The following CBY1 variants were observed in gnomAD, a reference collection of about 807,000 sequenced individuals.
The protein encoded by CBY1 is chibby 1, beta catenin antagonist, also known as protein chibby homolog 1.
Under a neutral mutation model 15.6 loss-of-function variants are expected in CBY1, and 10 were observed. The observed-to-expected ratio is 0.64, with a 90% CI of 0.40 to 1.09. The LOEUF (loss-of-function observed/expected upper bound fraction) is 1.09. CBY1 is among the 50% of genes least tolerant of loss of function. The pLI, the probability that CBY1 is intolerant of heterozygous loss-of-function variation, is 0.01. For synonymous variants in CBY1, 61 were observed against 63.5 expected (o/e 0.96, Z 0.19); for missense variants, 150 against 160.5 (o/e 0.93, Z 0.35).
rs2092442236 is a variant in CBY1, at chr22:38,668,146, C to T, written c.78+14C>T. 6.6e-7 allele frequency: 1 copy of T among 1,518,264 alleles called. No homozygotes were observed. Among genetic ancestry groups the T allele is most frequent in the African/African-American group, 1.4e-5 (1 of 72,964 alleles). 94.0% of individuals were successfully genotyped at this position (1,518,264 alleles called of 1,614,324 possible). Reference sequence around the variant, plus strand: ...AACCTGCATTCTGTGAGTGTCGGTACTGGGGTCGGCCGGGTGTGCAGCATG... The same window carrying T: ...AACCTGCATTCTGTGAGTGTCGGTATTGGGGTCGGCCGGGTGTGCAGCATG... On this transcript the variant is annotated intron_variant, in intron 2 of 4. Coordinates refer to ENST00000216029, the MANE Select transcript of CBY1 (RefSeq NM_015373.4).
chr22:38,662,880 A>G (rs2092425847), intron 1 of CBY1, among the ~76,000 whole-genome samples: 1 of 152,186 alleles, frequency 6.6e-6, no homozygotes, highest in African/African-American at 2.4e-5. Context: ...GCAGTGGCTT[A>G]TGCCTGTAAT....
chr22:38,672,929 G>A (rs754942439), intron 4 of CBY1, among the ~76,000 whole-genome samples: 7 of 152,088 alleles, frequency 4.6e-5, no homozygotes, highest in Admixed American at 2.6e-4. Context: ...CCATGCCCTC[G>A]TGGGTGACAG....
intron 1 of CBY1, among the ~76,000 whole-genome samples, chr22:38,659,394 G>A (rs1008026828): frequency 1.1e-4 from 16 of 151,810 alleles, no homozygotes; most frequent in African/African-American, 3.1e-4. Context: ...GATTACAGGC[G>A]TGTGCCACCA....
chr22:38,662,404 A>C (rs928662489), intron 1 of CBY1, among the ~76,000 whole-genome samples: 1 of 152,196 alleles, frequency 6.6e-6, no homozygotes, highest in Non-Finnish European at 1.5e-5. Flanking sequence ...TATTAATTCA[A>C]GATGAATTAT....
At chr22:38,667,537 G>A (rs2092440519) in intron 1 of CBY1, 1 of 153,698 alleles carries the variant, frequency 6.5e-6, no homozygotes, top group Non-Finnish European at 1.4e-5. Context: ...CTATTACCAG[G>A]CGTCTTAATC....
At chr22:38,661,982 A>T (rs1221241783) in intron 1 of CBY1, among the ~76,000 whole-genome samples, 1 of 152,100 alleles carries the variant, frequency 6.6e-6, no homozygotes, top group Non-Finnish European at 1.5e-5. Context: ...ATTCTTTGTA[A>T]GCTGTGTGCG....
At chr22:38,669,083 G>A (rs1484193655) in intron 2 of CBY1, among the ~76,000 whole-genome samples, 1 of 152,226 alleles carries the variant, frequency 6.6e-6, no homozygotes, top group Non-Finnish European at 1.5e-5. Context: ...ACCGTGACTT[G>A]AAGTCGGTCC....
intron 1 of CBY1, among the ~76,000 whole-genome samples, chr22:38,661,350 A>C (rs1437126366): frequency 2.0e-5 from 3 of 151,920 alleles, no homozygotes; most frequent in African/African-American, 7.3e-5. Flanking sequence ...ATTTTTGTAC[A>C]TTTTTAGTAG....
At chr22:38,657,148 G>T in intron 1 of CBY1, 1 of 975,694 alleles carries the variant, frequency 1.0e-6, no homozygotes, top group Non-Finnish European at 1.2e-6. Context: ...ATTAAAGTAA[G>T]ATAATATATT....
intron 2 of CBY1, 93 bp downstream of exon 2, chr22:38,668,225 A>G (rs2072796): frequency 0.29 from 230,246 of 781,346 alleles, 33,977 homozygotes; most frequent in East Asian, 0.36. Flanking sequence ...CAGAGGCATC[A>G]GTGCAGGAGG....
rs917049545 is a variant in CBY1 at position 38,666,236 on chromosome 22, T to A, written c.-38-1781T>A. ...TATTAATGTTATATATATATATATT[T>A]TTTTTTCTTTTTTAACCTTTTTTTG... On this transcript the variant is annotated intron_variant, in intron 1 of 4. Transcript: ENST00000216029. 7.7e-4 allele frequency among the ~76,000 whole-genome samples: 111 copies of A among 143,272 alleles called. 1 individual carries two copies. The highest frequency in any genetic ancestry group is 7.2e-3 in the Middle Eastern group (2 of 276). 94.0% of individuals were successfully genotyped at this position (143,272 alleles called of 152,430 possible).
rs1005853926 is a variant in CBY1, at chr22:38,659,043, C to T, written c.-39+2293C>T. Among the ~76,000 whole-genome samples the T allele has an allele frequency of 3.0e-4, 45 of 151,376 alleles. 1 individual carries two copies. Among genetic ancestry groups the T allele is most frequent in the Non-Finnish European group, 1.3e-4 (9 of 67,878 alleles). On this transcript the variant is annotated intron_variant, in intron 1 of 4. Transcript: ENST00000216029. ...CTCTGCCTCCTGGGTTCAAGCAATT[C>T]GCATGCCTCAGCCTCCTGAGTAGCT...
chr22:38,667,014 A>AT (rs374657298), intron 1 of CBY1, among the ~76,000 whole-genome samples: 7,444 of 101,284 alleles, frequency 0.073, 546 homozygotes, highest in African/African-American at 0.23. Flanking sequence ...TTCTTTCTTT[A>AT]TTTTTTTTTT....
rs2092450389 is a variant in CBY1, at chr22:38,670,866, A to G, written c.79-18A>G. ...GTTCCGGGCCTGCTGAAGTTGTCAC[A>G]TAGCATCTCGCCCACAGTTGGATCG... On this transcript the variant is annotated intron_variant, in intron 2 of 4. Coordinates refer to ENST00000216029, the MANE Select transcript of CBY1 (RefSeq NM_015373.4). 1 of 1,593,058 alleles carries G rather than the reference A, an allele frequency of 6.3e-7. No individual in the cohort carries two copies. The highest frequency in any genetic ancestry group is 8.6e-7 in the Non-Finnish European group (1 of 1,161,210).
intron 1 of CBY1, among the ~76,000 whole-genome samples, chr22:38,657,555 G>C (rs762335730): frequency 1.3e-5 from 2 of 152,232 alleles, no homozygotes; most frequent in African/African-American, 2.4e-5. Context: ...CAGAATCCCA[G>C]GATCTCAGCT....
chr22:38,663,636 C>A (rs939268474), intron 1 of CBY1, among the ~76,000 whole-genome samples: 1 of 134,650 alleles, frequency 7.4e-6, no homozygotes, highest in African/African-American at 2.8e-5. Flanking sequence ...GTGGAGGTTG[C>A]GGTGTGCTGA....
At chr22:38,663,164 T>G (rs1217271785) in intron 1 of CBY1, among the ~76,000 whole-genome samples, 1 of 151,996 alleles carries the variant, frequency 6.6e-6, no homozygotes, top group Non-Finnish European at 1.5e-5. Context: ...TCATTATAAT[T>G]AAGAACTTCT....
Position 38,658,717 on chromosome 22 carries a change from C to T in CBY1, c.-39+1967C>T, listed in dbSNP as rs553246536. On this transcript the variant is annotated intron_variant, in intron 1 of 4. Transcript: ENST00000216029. ...GGTCTCCATCTCCTGACCTCGTGAT[C>T]CGCCCGCCTCGGCCTCCCAAAGTGC... Among the ~76,000 whole-genome samples, 707 of 152,180 alleles carry T rather than the reference C, an allele frequency of 4.6e-3. 2 individuals are homozygous for T. Among genetic ancestry groups the T allele is most frequent in the Non-Finnish European group, 8.1e-3 (548 of 67,980 alleles).
chr22:38,666,233 A>AT (rs143865290), intron 1 of CBY1, among the ~76,000 whole-genome samples: 2,730 of 139,246 alleles, frequency 0.02, 61 homozygotes, highest in African/African-American at 0.063. Context: ...ATATATATAT[A>AT]TTTTTTTTTC....
Sources: allele counts gnomAD v4.1 joint callset (sites outside exome capture counted in the v4.1 genomes callset), GRCh38; gene constraint gnomAD v4.1.1; transcripts MANE v1.5; gene names NCBI Gene and HGNC (gene_info 2026-07-23, HGNC 2026-07-21).